ATXN10: variants seen among roughly 807,000 people sequenced by gnomAD.
ATXN10 encodes ataxin-10.
In ATXN10, 28 loss-of-function variants were observed where a neutral mutation model predicts 52.9. The observed-to-expected ratio is 0.53, with a 90% CI of 0.39 to 0.73. The LOEUF (loss-of-function observed/expected upper bound fraction) is 0.73, where lower values mean the gene tolerates loss of function less well. ATXN10 is among the 30% of genes least tolerant of loss of function. The probability of loss-of-function intolerance (pLI) is 0.00; values close to 1 mark genes in which losing one functional copy is unlikely to be tolerated. For missense variants in ATXN10, 565 were observed against 577.0 expected (o/e 0.98, Z 0.21); for synonymous variants, 226 against 221.5 (o/e 1.02, Z -0.18).
rs1356862988 is a variant in ATXN10, at chr22:45,688,700, T to G, written c.117-1012T>G. 3.3e-5 allele frequency among the ~76,000 whole-genome samples: 5 copies of G among 152,214 alleles called. No homozygotes were observed. Among genetic ancestry groups the G allele is most frequent in the Admixed American group, 3.3e-4 (5 of 15,276 alleles). On this transcript the variant is annotated intron_variant, in intron 1 of 11. Transcript: ENST00000252934. This position sits in a 1 kb window ranked among gnomAD's most constrained non-coding sequence, Gnocchi z 4.0. ...GAATGAACATGTGGCTCCCTGCTGG[T>G]CTGGCTCAATCCAAGGGTGAAAGGT...
rs1036225779 is a variant in ATXN10 at position 45,819,448 on chromosome 22, C to T, written c.1237+12426C>T. Among the ~76,000 whole-genome samples, 5 of 152,168 alleles carry T rather than the reference C, an allele frequency of 3.3e-5. No individual in the cohort carries two copies. The highest frequency in any genetic ancestry group is 4.4e-5 in the Non-Finnish European group (3 of 68,032). On this transcript the variant is annotated intron_variant, in intron 10 of 11. Coordinates refer to ENST00000252934, the MANE Select transcript of ATXN10 (RefSeq NM_013236.4). The surrounding 1 kb of genome is among the most constrained non-coding windows in gnomAD (Gnocchi z 4.5). ...CTCTGCACGGAACGAACACAAAGTTCGGTAGTCACAGGACACCCTTGCCGT... is the reference window on the plus strand; with the variant it reads ...CTCTGCACGGAACGAACACAAAGTTTGGTAGTCACAGGACACCCTTGCCGT...
chr22:45,773,148 T>A (rs1282002455), intron 9 of ATXN10, among the ~76,000 whole-genome samples: 1 of 152,342 alleles, frequency 6.6e-6, no homozygotes, highest in African/African-American at 2.4e-5. Flanking sequence ...TGGTTGTTCG[T>A]CTCGCATGTG....
chr22:45,821,418 C>G (rs568095256), intron 10 of ATXN10, among the ~76,000 whole-genome samples: 2 of 151,418 alleles, frequency 1.3e-5, no homozygotes, highest in Admixed American at 1.3e-4. Context: ...CCAGGAAATC[C>G]TAATGGGTTT....
rs556239530 is a variant in ATXN10, at chr22:45,840,285, C to T, written c.1238-2706C>T. On this transcript the variant is annotated intron_variant, in intron 10 of 11. Coordinates refer to ENST00000252934, the MANE Select transcript of ATXN10 (RefSeq NM_013236.4). This position sits in a 1 kb window ranked among gnomAD's most constrained non-coding sequence, Gnocchi z 5.8. ...GGGGCTCCTGCCCTCGAGGAACTCA[C>T]AGACTCATAAGCAGATGAGTACAAT... 6.6e-6 allele frequency among the ~76,000 whole-genome samples: 1 copy of T among 152,234 alleles called. No individual in the cohort carries two copies. Among genetic ancestry groups the T allele is most frequent in the East Asian group, 1.9e-4 (1 of 5,174 alleles).
At chr22:45,832,997 C>T (rs1929042425) in intron 10 of ATXN10, among the ~76,000 whole-genome samples, 1 of 152,132 alleles carries the variant, frequency 6.6e-6, no homozygotes, top group Non-Finnish European at 1.5e-5. Flanking sequence ...TGAAGGTTGT[C>T]CTGACTTTAA....
intron 9 of ATXN10, among the ~76,000 whole-genome samples, chr22:45,798,547 GA>G (rs998637157): frequency 6.6e-6 from 1 of 151,382 alleles, no homozygotes; most frequent in Non-Finnish European, 1.5e-5. Flanking sequence ...AGGCATCTAT[GA>G]AAAAAAAATT....
chr22:45,804,578 A>G (rs1335569283), intron 9 of ATXN10, among the ~76,000 whole-genome samples: 1 of 152,232 alleles, frequency 6.6e-6, no homozygotes, highest in African/African-American at 2.4e-5. Flanking sequence ...ATGCAGTTTA[A>G]ACACTTCTAT....
rs200554072 is a variant in ATXN10 at position 45,726,322 on chromosome 22, T to C, written c.729-3103T>C. Reference sequence around the variant, plus strand: ...TTTGTTTTTTTGGCAATTTTTGTTATTGATTCAATCTCACTGGTTGTTACT... The same window carrying C: ...TTTGTTTTTTTGGCAATTTTTGTTACTGATTCAATCTCACTGGTTGTTACT... On this transcript the variant is annotated intron_variant, in intron 6 of 11. Transcript: ENST00000252934. 1.1e-4 allele frequency among the ~76,000 whole-genome samples: 17 copies of C among 152,324 alleles called. No individual in the cohort carries two copies. In the East Asian group the frequency reaches 3.1e-3, roughly 28 times the overall value.
At chr22:45,726,366 A>G (rs1028909232) in intron 6 of ATXN10, among the ~76,000 whole-genome samples, 5 of 151,864 alleles carry the variant, frequency 3.3e-5, no homozygotes, top group East Asian at 3.9e-4. Context: ...CAGACCTCCT[A>G]TTTCTTTCTG....
Position 45,823,204 on chromosome 22 carries a change from A to G in ATXN10, c.1237+16182A>G. The G allele has an allele frequency of 4.2e-6, 2 of 471,748 alleles. No homozygotes were observed. The highest frequency in any genetic ancestry group is 1.5e-5 in the South Asian group (1 of 64,528). 29.2% of individuals were successfully genotyped at this position (471,748 alleles called of 1,614,324 possible). On this transcript the variant is annotated intron_variant, in intron 10 of 11. Transcript: ENST00000252934. This position sits in a 1 kb window ranked among gnomAD's most constrained non-coding sequence, Gnocchi z 4.9. ...TGAGTGTCCCGTCTCCCTCACTGCC[A>G]ATCCCCAGATGTAACTTCTGTTCTG...
chr22:45,739,237 A>G (rs1298842581), intron 8 of ATXN10, among the ~76,000 whole-genome samples: 1 of 152,232 alleles, frequency 6.6e-6, no homozygotes, highest in Non-Finnish European at 1.5e-5. Flanking sequence ...TAGTGAACAC[A>G]TAGAATGGTG....
intron 9 of ATXN10, among the ~76,000 whole-genome samples, chr22:45,745,088 A>C (rs1352544284): frequency 6.6e-6 from 1 of 152,182 alleles, no homozygotes; most frequent in Non-Finnish European, 1.5e-5. Flanking sequence ...TGTGGACCTA[A>C]ATGGAGATTC....
Position 45,843,281 on chromosome 22 carries a change from G to C in ATXN10, c.1425+103G>C. The C allele has an allele frequency of 7.8e-7, 1 of 1,288,948 alleles. No individual in the cohort carries two copies. The allele number at this position is 1,288,948 out of a possible 1,614,324, so 79.8% of individuals were successfully genotyped here. ...AGGCTCTTTGTAAGAATATGGATGG[G>C]AGAATTGTGCCCTCTATAGTGGTTT... On this transcript the variant is annotated intron_variant, in intron 11 of 11. Transcript: ENST00000252934. The surrounding 1 kb of genome is among the most constrained non-coding windows in gnomAD (Gnocchi z 4.5).
chr22:45,732,223 G>A lies in ATXN10; in HGVS notation c.894+2633G>A, dbSNP rs973609012. 1.3e-5 allele frequency among the ~76,000 whole-genome samples: 2 copies of A among 152,152 alleles called. No individual in the cohort carries two copies. Among genetic ancestry groups the A allele is most frequent in the African/African-American group, 4.8e-5 (2 of 41,442 alleles). On this transcript the variant is annotated intron_variant, in intron 7 of 11. Coordinates refer to ENST00000252934, the MANE Select transcript of ATXN10 (RefSeq NM_013236.4). This position sits in a 1 kb window ranked among gnomAD's most constrained non-coding sequence, Gnocchi z 4.5. ...TCCCAATACTTTGGGACGCCAAGGCGTGGGAGGATTGCTTAAGCCCAGGAG... is the reference window on the plus strand; with the variant it reads ...TCCCAATACTTTGGGACGCCAAGGCATGGGAGGATTGCTTAAGCCCAGGAG...
intron 9 of ATXN10, among the ~76,000 whole-genome samples, chr22:45,764,705 A>T (rs1033598705): frequency 4.6e-5 from 7 of 152,178 alleles, no homozygotes. Flanking sequence ...GTAAAATGAG[A>T]CTCTCTGGAT....
chr22:45,699,673 G>A (rs1751251607), intron 3 of ATXN10, among the ~76,000 whole-genome samples: 1 of 151,246 alleles, frequency 6.6e-6, no homozygotes, highest in Non-Finnish European at 1.5e-5. Flanking sequence ...TGTGTTTTCA[G>A]TAGTGACGGG....
At chr22:45,827,072 A>G (rs551250639) in intron 10 of ATXN10, among the ~76,000 whole-genome samples, 3 of 152,130 alleles carry the variant, frequency 2.0e-5, no homozygotes, top group South Asian at 4.2e-4. Flanking sequence ...TAAAACTGGC[A>G]TAAATTAGAA....
rs1269715069 is a variant in ATXN10 at position 45,780,609 on chromosome 22, A to C, written c.1174-26350A>C. Among the ~76,000 whole-genome samples the C allele has an allele frequency of 6.6e-6, 1 of 152,206 alleles. No homozygotes were observed. Among genetic ancestry groups the C allele is most frequent in the East Asian group, 1.9e-4 (1 of 5,198 alleles). On this transcript the variant is annotated intron_variant, in intron 9 of 11. Transcript: ENST00000252934. The surrounding 1 kb of genome is among the most constrained non-coding windows in gnomAD (Gnocchi z 4.0). ...AGGCTCATAGGGAGGATTAGGTCAG[A>C]TACTACATGTAACGTGAACAGTGCT...
Position 45,842,077 on chromosome 22 carries a change from G to T in ATXN10, c.1238-914G>T, listed in dbSNP as rs1013018961. Among the ~76,000 whole-genome samples, 1 of 152,072 alleles carries T rather than the reference G, an allele frequency of 6.6e-6. No individual in the cohort carries two copies. The highest frequency in any genetic ancestry group is 1.5e-5 in the Non-Finnish European group (1 of 68,006). ...TTTGTTCTACCCTAGGTTCTTTGTT[G>T]TTCTCCCTGGATCAGGGTGCCAGGC... On this transcript the variant is annotated intron_variant, in intron 10 of 11. Coordinates refer to ENST00000252934, the MANE Select transcript of ATXN10 (RefSeq NM_013236.4). The surrounding 1 kb of genome is among the most constrained non-coding windows in gnomAD (Gnocchi z 4.8).
Sources: allele counts gnomAD v4.1 joint callset (sites outside exome capture counted in the v4.1 genomes callset), GRCh38; gene constraint gnomAD v4.1.1; non-coding constraint Gnocchi (gnomAD v3.1); transcripts MANE v1.5; gene names NCBI Gene and HGNC (gene_info 2026-07-23, HGNC 2026-07-21).